JMY: variants seen among roughly 807,000 people sequenced by gnomAD.
JMY encodes junction-mediating and -regulatory protein.
A neutral mutation model predicts 103.3 loss-of-function variants in JMY; 46 were observed. That is an observed-to-expected ratio of 0.45 (90% CI 0.35 to 0.57). JMY has a LOEUF of 0.57. JMY is among the 20% of genes least tolerant of loss of function. JMY has a pLI of 0.00. For synonymous variants in JMY, 526 were observed against 489.3 expected, an observed-to-expected ratio of 1.07 and a Z score of -0.99; for missense variants, 1,238 against 1,255.2, an observed-to-expected ratio of 0.99 and a Z score of 0.21.
chr5:79,281,018 GAA>G (rs932268392), intron 2 of JMY, among the ~76,000 whole-genome samples: 3 of 150,582 alleles, frequency 2.0e-5, no homozygotes, highest in African/African-American at 4.9e-5. Flanking sequence ...TAGAAAAAAA[GAA>G]AATAATTTAT....
chr5:79,313,470 G>C (rs1377220153), intron 8 of JMY, among the ~76,000 whole-genome samples: 1 of 151,972 alleles, frequency 6.6e-6, no homozygotes, highest in Non-Finnish European at 1.5e-5. Flanking sequence ...ATATATAAGA[G>C]TTCTACCAGT....
At chr5:79,253,352 G>T (rs189261335) in intron 1 of JMY, among the ~76,000 whole-genome samples, 5 of 152,030 alleles carry the variant, frequency 3.3e-5, no homozygotes, top group African/African-American at 1.2e-4. Flanking sequence ...GAGTGCAGTG[G>T]CGCAATCTCG....
chr5:79,319,372 A>C lies in JMY; in HGVS notation c.*4-2234A>C, dbSNP rs556871005. Among the ~76,000 whole-genome samples the C allele has an allele frequency of 1.1e-4, 16 of 152,300 alleles. No individual in the cohort carries two copies. In the East Asian group the frequency reaches 3.1e-3, roughly 29 times the overall value. On this transcript the variant is annotated intron_variant, in intron 10 of 10. Coordinates refer to ENST00000396137, the MANE Select transcript of JMY (RefSeq NM_152405.5). ...AAAATATATGAGCTTGGAAGTTTGC[A>C]GTCTCCCTTTACTAAATGTGTGCTA...
intron 1 of JMY, among the ~76,000 whole-genome samples, chr5:79,240,308 C>A (rs940902433): frequency 6.6e-6 from 1 of 151,650 alleles, no homozygotes; most frequent in Non-Finnish European, 1.5e-5. Flanking sequence ...GCCACCGCAC[C>A]CAGCCTCCCC....
At chr5:79,313,951 C>T (rs553240078) in intron 8 of JMY, among the ~76,000 whole-genome samples, 9 of 152,266 alleles carry the variant, frequency 5.9e-5, no homozygotes, top group East Asian at 1.9e-4. Context: ...TTCCGCCTCC[C>T]GGGTTCAAGC....
intron 1 of JMY, among the ~76,000 whole-genome samples, chr5:79,255,173 T>C (rs929191973): frequency 6.7e-6 from 1 of 149,068 alleles, no homozygotes; most frequent in African/African-American, 2.5e-5. Flanking sequence ...CTCGACTCAC[T>C]GCAACTTCCA....
chr5:79,320,267 GC>G (rs1454403437), intron 10 of JMY, among the ~76,000 whole-genome samples: 1 of 150,856 alleles, frequency 6.6e-6, no homozygotes, highest in Non-Finnish European at 1.5e-5. Flanking sequence ...TGTAGTCCCA[GC>G]TACTTGGGAG....
At chr5:79,303,819 T>C (rs899399669) in intron 6 of JMY, among the ~76,000 whole-genome samples, 2 of 152,032 alleles carry the variant, frequency 1.3e-5, no homozygotes, top group Admixed American at 1.3e-4. Context: ...GGGCCTTATG[T>C]TCAGAGTTTC....
At chr5:79,300,920 C>G (rs1222301144) in intron 6 of JMY, 57 bp downstream of exon 6, 2 of 1,399,270 alleles carry the variant, frequency 1.4e-6, no homozygotes, top group Non-Finnish European at 1.9e-6. Context: ...CTACTAATCT[C>G]ATCTGTTTTG....
At chr5:79,241,535 T>C (rs1362871444) in intron 1 of JMY, among the ~76,000 whole-genome samples, 2 of 152,198 alleles carry the variant, frequency 1.3e-5, no homozygotes, top group African/African-American at 2.4e-5. Flanking sequence ...GTAAGAGGTT[T>C]TTACTTGGGG....
At chr5:79,272,434 TTTTC>T (rs1745812599) in intron 1 of JMY, among the ~76,000 whole-genome samples, 1 of 151,172 alleles carries the variant, frequency 6.6e-6, no homozygotes, top group Non-Finnish European at 1.5e-5. Context: ...CTTTTTTTTC[TTTTC>T]TTTTTTTTGA....
intron 1 of JMY, among the ~76,000 whole-genome samples, chr5:79,269,882 C>T (rs144963190): frequency 3.9e-5 from 6 of 152,046 alleles, no homozygotes; most frequent in African/African-American, 9.6e-5. Flanking sequence ...CATGTGCTAC[C>T]GTGTCCAGCT....
intron 1 of JMY, among the ~76,000 whole-genome samples, chr5:79,247,390 C>T (rs1174821365): frequency 6.6e-6 from 1 of 152,018 alleles, no homozygotes; most frequent in Admixed American, 6.6e-5. Flanking sequence ...GCAACCTCCA[C>T]CTCTCGGGTT....
chr5:79,248,591 G>A (rs1744978626), intron 1 of JMY, among the ~76,000 whole-genome samples: 1 of 151,882 alleles, frequency 6.6e-6, no homozygotes, highest in Non-Finnish European at 1.5e-5. Flanking sequence ...TTATAAGCTT[G>A]AGCCACCGCG....
intron 1 of JMY, among the ~76,000 whole-genome samples, chr5:79,264,942 A>G (rs561651238): frequency 3.4e-4 from 52 of 152,276 alleles, no homozygotes; most frequent in African/African-American, 1.2e-3. Flanking sequence ...TTTGAGGCAG[A>G]GTCTTGCGCT....
chr5:79,242,869 T>G (rs1744782545), intron 1 of JMY, among the ~76,000 whole-genome samples: 1 of 151,986 alleles, frequency 6.6e-6, no homozygotes, highest in Non-Finnish European at 1.5e-5. Context: ...CTGCAACCTC[T>G]GCCTTCCAAG....
intron 2 of JMY, among the ~76,000 whole-genome samples, chr5:79,282,012 TG>T (rs1169281794): frequency 6.6e-6 from 1 of 152,058 alleles, no homozygotes; most frequent in Non-Finnish European, 1.5e-5. Flanking sequence ...GAGACCACAC[TG>T]GCTAACACGG....
intron 2 of JMY, among the ~76,000 whole-genome samples, chr5:79,281,448 C>T (rs1746111936): frequency 1.4e-5 from 2 of 146,540 alleles, no homozygotes. Flanking sequence ...GGATCAGGAT[C>T]ATCGAGATGT....
At chr5:79,283,572 G>A (rs920350059) in intron 2 of JMY, among the ~76,000 whole-genome samples, 1 of 152,140 alleles carries the variant, frequency 6.6e-6, no homozygotes, top group Admixed American at 6.5e-5. Flanking sequence ...GTCTTTCTGA[G>A]ATAGACACCC....
Sources: allele counts gnomAD v4.1 joint callset (sites outside exome capture counted in the v4.1 genomes callset), GRCh38; gene constraint gnomAD v4.1.1; transcripts MANE v1.5; gene names NCBI Gene and HGNC (gene_info 2026-07-23, HGNC 2026-07-21).